The following LUZP2 variants were observed in gnomAD, a reference collection of about 807,000 sequenced individuals.
The protein encoded by LUZP2 is leucine zipper protein 2.
Under a neutral mutation model 51.6 loss-of-function variants are expected in LUZP2, and 52 were observed. The observed-to-expected ratio is 1.01, with a 90% CI of 0.81 to 1.27. LUZP2 has a LOEUF of 1.27. Among genes scored for constraint, LUZP2 ranks in the 50% most tolerant of loss-of-function variants. The pLI, the probability that LUZP2 is intolerant of heterozygous loss-of-function variation, is 0.00. For missense variants in LUZP2, 436 were observed against 395.4 expected (o/e 1.10, Z -0.87); for synonymous variants, 154 against 137.3 (o/e 1.12, Z -0.85).
At chr11:25,065,422 A>G (rs1225643879) in intron 10 of LUZP2, among the ~76,000 whole-genome samples, 2 of 152,068 alleles carry the variant, frequency 1.3e-5, no homozygotes, top group East Asian at 1.9e-4. Flanking sequence ...TGCATTAAAT[A>G]TATGTCCTTA....
chr11:24,922,501 C>CA (rs1230621999), intron 7 of LUZP2, among the ~76,000 whole-genome samples: 1 of 152,042 alleles, frequency 6.6e-6, no homozygotes, highest in East Asian at 1.9e-4. Context: ...TTATGTCATC[C>CA]ACATGTTAAA....
intron 5 of LUZP2, among the ~76,000 whole-genome samples, chr11:24,833,741 T>C (rs1311863785): frequency 2.1e-5 from 3 of 144,420 alleles, no homozygotes; most frequent in East Asian, 2.0e-4. Flanking sequence ...CTTGATTCCA[T>C]TGTGCAAACA....
At chr11:25,039,033 C>G (rs1252406541) in intron 9 of LUZP2, among the ~76,000 whole-genome samples, 1 of 152,180 alleles carries the variant, frequency 6.6e-6, no homozygotes, top group Non-Finnish European at 1.5e-5. Context: ...CAGCTGTTTT[C>G]TGTGGTGTAA....
At chr11:24,593,849 G>C (rs1302350375) in intron 1 of LUZP2, among the ~76,000 whole-genome samples, 1 of 152,164 alleles carries the variant, frequency 6.6e-6, no homozygotes, top group Non-Finnish European at 1.5e-5. Context: ...AGTCCACCTT[G>C]AGGGAGTGAC....
At chr11:24,765,634 T>G (rs1428730756) in intron 5 of LUZP2, among the ~76,000 whole-genome samples, 2 of 149,452 alleles carry the variant, frequency 1.3e-5, no homozygotes, top group Non-Finnish European at 3.0e-5. Flanking sequence ...TTTTTCTTTT[T>G]TTTTTTTTTT....
chr11:24,744,174 T>C (rs1859287896), intron 4 of LUZP2, among the ~76,000 whole-genome samples: 1 of 152,092 alleles, frequency 6.6e-6, no homozygotes, highest in African/African-American at 2.4e-5. Flanking sequence ...TGTAGTTTTA[T>C]TTTTGGCTAT....
chr11:24,769,706 T>G (rs76697068), intron 5 of LUZP2, among the ~76,000 whole-genome samples: 1,927 of 148,212 alleles, frequency 0.013, 39 homozygotes, highest in Admixed American at 0.043. Context: ...TTTTTTTTTT[T>G]GGGATTATAA....
intron 9 of LUZP2, among the ~76,000 whole-genome samples, chr11:25,028,185 A>T (rs2133985596): frequency 6.6e-6 from 1 of 152,256 alleles, no homozygotes; most frequent in African/African-American, 2.4e-5. Context: ...CATTTCAAGC[A>T]TTTATCCTTT....
chr11:24,822,730 T>C (rs1039415408), intron 5 of LUZP2, among the ~76,000 whole-genome samples: 1 of 152,200 alleles, frequency 6.6e-6, no homozygotes, highest in Admixed American at 6.5e-5. Flanking sequence ...TTTCTCAATA[T>C]TGCTTTTCAT....
At chr11:25,077,303 T>C (rs1236498347) in intron 10 of LUZP2, 26 bp from the exon 11 acceptor site, 22 of 1,548,348 alleles carry the variant, frequency 1.4e-5, no homozygotes, top group Non-Finnish European at 2.0e-5. Context: ...ACTTCATTGA[T>C]GTATTTTTAA....
At chr11:24,641,819 C>A (rs1349295718) in intron 1 of LUZP2, among the ~76,000 whole-genome samples, 2 of 151,852 alleles carry the variant, frequency 1.3e-5, no homozygotes, top group Non-Finnish European at 2.9e-5. Flanking sequence ...CAATTGTTAT[C>A]TGGGATAACA....
chr11:25,049,885 T>C (rs1426133599), intron 9 of LUZP2, among the ~76,000 whole-genome samples, 153 bp from the exon 10 acceptor site: 1 of 152,172 alleles, frequency 6.6e-6, no homozygotes, highest in East Asian at 1.9e-4. Flanking sequence ...CTCTGATATA[T>C]ACAAATTTCC....
At chr11:24,587,112 G>A (rs570883958) in intron 1 of LUZP2, among the ~76,000 whole-genome samples, 31 of 152,206 alleles carry the variant, frequency 2.0e-4, no homozygotes, top group African/African-American at 6.7e-4. Context: ...CAAATATACA[G>A]TCTAATTCTT....
At chr11:24,732,344 G>T (rs1031967702) in intron 3 of LUZP2, among the ~76,000 whole-genome samples, 156 bp downstream of exon 3, 1 of 151,728 alleles carries the variant, frequency 6.6e-6, no homozygotes, top group African/African-American at 2.4e-5. Flanking sequence ...TTGTTCAAAT[G>T]CAGATTCTTA....
intron 1 of LUZP2, among the ~76,000 whole-genome samples, chr11:24,534,341 GCAA>G (rs1851104011): frequency 6.7e-6 from 1 of 148,430 alleles, no homozygotes; most frequent in Non-Finnish European, 1.5e-5. Flanking sequence ...TAGAGAGAGA[GCAA>G]CAAGCTCTTT....
chr11:24,741,356 C>T (rs1487913308), intron 4 of LUZP2, among the ~76,000 whole-genome samples: 1 of 151,994 alleles, frequency 6.6e-6, no homozygotes, highest in Non-Finnish European at 1.5e-5. Flanking sequence ...AGGTTTTTCA[C>T]CAAAGGCTTG....
At chr11:24,984,522 TTTTATA>T (rs1194357579) in intron 9 of LUZP2, among the ~76,000 whole-genome samples, 1 of 15,334 alleles carries the variant, frequency 6.5e-5, no homozygotes, top group African/African-American at 1.1e-4. Context: ...AAATTACATA[TTTTATA>T]TATATATATA....
At chr11:24,654,149 C>A (rs1565055519) in intron 1 of LUZP2, among the ~76,000 whole-genome samples, 1 of 152,108 alleles carries the variant, frequency 6.6e-6, no homozygotes, top group Non-Finnish European at 1.5e-5. Flanking sequence ...AGACAATGCA[C>A]ACATCGTAAC....
At chr11:24,615,411 T>C (rs546736373) in intron 1 of LUZP2, among the ~76,000 whole-genome samples, 4 of 152,096 alleles carry the variant, frequency 2.6e-5, no homozygotes, top group Non-Finnish European at 5.9e-5. Context: ...ATATAGTATG[T>C]AAGCTTTTGA....
Sources: gnomAD v4.1 joint callset for allele counts (sites outside exome capture counted in the v4.1 genomes callset) on GRCh38, gnomAD v4.1.1 for gene constraint, MANE v1.5 for transcripts, NCBI Gene and HGNC (gene_info 2026-07-23, HGNC 2026-07-21) for gene names.